RNF121: variants seen among roughly 807,000 people sequenced by gnomAD.
The protein encoded by RNF121 is E3 ubiquitin ligase RNF121.
Under a neutral mutation model 46.5 loss-of-function variants are expected in RNF121, and 21 were observed. That is an observed-to-expected ratio of 0.45 (90% CI 0.32 to 0.65). RNF121 has a LOEUF of 0.65. Ranked by LOEUF, RNF121 falls within the 30% of genes least tolerant of loss-of-function variation. The pLI is 0.04. For missense variants in RNF121, 346 were observed against 416.0 expected (o/e 0.83, Z 1.46); for synonymous variants, 139 against 144.7 (o/e 0.96, Z 0.28).
At chr11:71,948,901 C>G (rs1194145677) in intron 1 of RNF121, among the ~76,000 whole-genome samples, 1 of 150,968 alleles carries the variant, frequency 6.6e-6, no homozygotes, top group Non-Finnish European at 1.5e-5. Context: ...TATCTGAACC[C>G]CACCAGATAG....
chr11:71,995,235 A>G (rs1486347962), intron 7 of RNF121: 1 of 588,912 alleles, frequency 1.7e-6, no homozygotes, highest in Non-Finnish European at 3.0e-6. Context: ...ATGTTGGGAA[A>G]GCCATGTATT....
At chr11:71,981,559 G>T (rs1021022874) in intron 3 of RNF121, among the ~76,000 whole-genome samples, 9 of 152,162 alleles carry the variant, frequency 5.9e-5, no homozygotes, top group Non-Finnish European at 1.0e-4. Context: ...ACAGAAGGGT[G>T]GTTGAGGAGG....
intron 3 of RNF121, among the ~76,000 whole-genome samples, chr11:71,969,395 A>G (rs1565153859): frequency 6.6e-6 from 1 of 152,216 alleles, no homozygotes; most frequent in African/African-American, 2.4e-5. Context: ...GCTTAGCAGT[A>G]TAATATTGAG....
chr11:71,994,362 C>T (rs577718414), intron 6 of RNF121, among the ~76,000 whole-genome samples: 4 of 152,178 alleles, frequency 2.6e-5, no homozygotes, highest in East Asian at 1.9e-4. Flanking sequence ...CATAGTCTGG[C>T]GACAGAATGG....
At chr11:71,972,999 C>T (rs1279918227) in intron 3 of RNF121, among the ~76,000 whole-genome samples, 1 of 151,980 alleles carries the variant, frequency 6.6e-6, no homozygotes. Context: ...CCATCCTGAC[C>T]AACATGGAGA....
chr11:71,983,632 C>G (rs1404401816), intron 4 of RNF121: 2 of 152,198 alleles, frequency 1.3e-5, no homozygotes, highest in Non-Finnish European at 2.9e-5. Context: ...CTCATTCATT[C>G]AAATAAGCAC....
chr11:71,942,303 C>T (rs74319588), intron 1 of RNF121, among the ~76,000 whole-genome samples: 1 of 151,992 alleles, frequency 6.6e-6, no homozygotes, highest in Non-Finnish European at 1.5e-5. Flanking sequence ...AAAGATCTTT[C>T]TGGCTGCTTT....
At chr11:71,989,063 TATGG>T in intron 5 of RNF121, among the ~76,000 whole-genome samples, 1 of 105,438 alleles carries the variant, frequency 9.5e-6, no homozygotes, top group Non-Finnish European at 2.1e-5. Context: ...GATTCTGCAT[TATGG>T]TTTTTTGTTT....
intron 3 of RNF121, among the ~76,000 whole-genome samples, chr11:71,980,297 C>A (rs769946355): frequency 1.3e-5 from 2 of 152,066 alleles, no homozygotes; most frequent in African/African-American, 4.8e-5. Context: ...TTACCCTTTT[C>A]TCTGTTCTGT....
intron 8 of RNF121, 146 bp from the exon 9 acceptor site, chr11:71,996,049 G>A (rs563874182): frequency 1.0e-6 from 1 of 952,384 alleles, no homozygotes; most frequent in Non-Finnish European, 1.6e-6. Flanking sequence ...TAGGAAGTGA[G>A]GCTGGGCCCT....
chr11:71,952,869 C>T (rs951686771), intron 1 of RNF121, among the ~76,000 whole-genome samples: 1 of 152,124 alleles, frequency 6.6e-6, no homozygotes, highest in African/African-American at 2.4e-5. Flanking sequence ...ACTTATCGAT[C>T]ACCTCAAATA....
rs554112486 is a variant in RNF121 at position 71,960,782 on chromosome 11, G to A, written c.134G>A (p.Arg45His). The change falls in exon 3 of 9, where the codon CGT (arginine) becomes CAT (histidine). Residue 45 changes from arginine (R) to histidine (H), a missense_variant. Arg to His is a conservative substitution (Grantham distance 29, BLOSUM62 0). Coordinates refer to ENST00000361756, the MANE Select transcript of RNF121 (RefSeq NM_018320.5). ...VEHARMHAKH[R>H]GHEAMHAEMV... ...CACGCACGCATGCATGCCAAGCACCGTGGCCATGAAGCTATGCATGCTGAA... is the reference window on the plus strand; with the variant it reads ...CACGCACGCATGCATGCCAAGCACCATGGCCATGAAGCTATGCATGCTGAA... 6.8e-6 allele frequency: 11 copies of A among 1,614,070 alleles called. No homozygotes were observed. The highest frequency in any genetic ancestry group is 3.3e-5 in the Admixed American group (2 of 60,012).
chr11:71,992,702 G>A (rs1025789460), intron 6 of RNF121, among the ~76,000 whole-genome samples: 8 of 152,294 alleles, frequency 5.3e-5, no homozygotes, highest in Middle Eastern at 3.4e-3. Flanking sequence ...TTTCTGATTC[G>A]GCAACTGCTT....
chr11:71,929,083 G>C lies in RNF121; in HGVS notation c.22G>C (p.Glu8Gln). The C allele has an allele frequency of 1.3e-6, 2 of 1,551,654 alleles. No individual in the cohort carries two copies. Among genetic ancestry groups the C allele is most frequent in the Non-Finnish European group, 1.7e-6 (2 of 1,147,052 alleles). Residue 8 changes from glutamate to glutamine, a missense_variant, in exon 1 of 9, where the codon GAG becomes CAG. By Grantham distance (29) the Glu-to-Gln change is conservative. Coordinates refer to ENST00000361756, the MANE Select transcript of RNF121 (RefSeq NM_018320.5). Reference protein sequence around the residue: MAAVVEVEVGGGAAGERE... With the variant: MAAVVEVQVGGGAAGERE... ...GAAGATGGCGGCAGTGGTGGAGGTG[G>C]AGGTTGGAGGTGGTGCTGCTGGGGA...
chr11:71,942,226 C>T (rs1401637618), intron 1 of RNF121, among the ~76,000 whole-genome samples: 2 of 151,896 alleles, frequency 1.3e-5, no homozygotes, highest in African/African-American at 4.8e-5. Context: ...AACCACCGTG[C>T]CCGGCAATGA....
At chr11:71,971,068 T>C (rs1240607560) in intron 3 of RNF121, among the ~76,000 whole-genome samples, 4 of 152,060 alleles carry the variant, frequency 2.6e-5, no homozygotes, top group Non-Finnish European at 5.9e-5. Context: ...TTATGAAAGG[T>C]AAAGTTATGA....
chr11:71,960,570 T>C (rs991208347), intron 2 of RNF121, among the ~76,000 whole-genome samples, 180 bp from the exon 3 acceptor site: 2 of 152,162 alleles, frequency 1.3e-5, no homozygotes, highest in Middle Eastern at 3.2e-3. Flanking sequence ...GCCTGTATTC[T>C]ATCTCGACAT....
intron 3 of RNF121, among the ~76,000 whole-genome samples, chr11:71,968,049 G>C (rs964335471): frequency 2.1e-5 from 3 of 142,504 alleles, no homozygotes; most frequent in Non-Finnish European, 3.0e-5. Context: ...AATTTTTATA[G>C]ATTAGATTTA....
chr11:71,945,188 A>G (rs1233098128), intron 1 of RNF121, among the ~76,000 whole-genome samples: 5 of 152,038 alleles, frequency 3.3e-5, no homozygotes, highest in African/African-American at 4.8e-5. Context: ...GAGTCTTGCT[A>G]TGTTACCCAG....
Sources: allele counts gnomAD v4.1 joint callset (sites outside exome capture counted in the v4.1 genomes callset), GRCh38; gene constraint gnomAD v4.1.1; transcripts MANE v1.5; gene names NCBI Gene and HGNC (gene_info 2026-07-23, HGNC 2026-07-21).